Variants in CSMD1 observed in about 807,000 individuals in gnomAD.
CSMD1 encodes the protein CUB and sushi domain-containing protein 1.
In CSMD1, 213 loss-of-function variants were observed where a neutral mutation model predicts 417.5. The ratio of observed to expected loss-of-function variants is 0.51; its 90% CI spans 0.46 to 0.57. The LOEUF is 0.57. Ranked by LOEUF, CSMD1 falls within the 20% of genes least tolerant of loss-of-function variation. The pLI, the probability that CSMD1 is intolerant of heterozygous loss-of-function variation, is 0.00. For missense variants in CSMD1, 6,923 were observed against 4,529.7 expected, an observed-to-expected ratio of 1.53 and a Z score of -15.17; for synonymous variants, 2,862 against 1,736.8, an observed-to-expected ratio of 1.65 and a Z score of -16.11.
chr8:4,549,922 A>G (rs921816436), intron 2 of CSMD1, among the ~76,000 whole-genome samples: 1 of 138,214 alleles, frequency 7.2e-6, no homozygotes, highest in African/African-American at 2.9e-5. Flanking sequence ...AAAAAAAAAG[A>G]AAAGAAAAGA....
intron 1 of CSMD1, among the ~76,000 whole-genome samples, chr8:4,657,273 G>T (rs115592776): frequency 0.012 from 1,804 of 152,302 alleles, 38 homozygotes; most frequent in East Asian, 0.1. Flanking sequence ...CTAAGGCAGA[G>T]TTGTAAAAAG....
intron 3 of CSMD1, among the ~76,000 whole-genome samples, chr8:4,299,314 ACT>A (rs997186009): frequency 1.3e-5 from 2 of 152,174 alleles, no homozygotes; most frequent in African/African-American, 4.8e-5. Flanking sequence ...CAGAGAACGC[ACT>A]TTTTAAATAA....
chr8:4,833,659 G>C (rs1351398381), intron 1 of CSMD1, among the ~76,000 whole-genome samples: 4 of 152,174 alleles, frequency 2.6e-5, no homozygotes, highest in African/African-American at 4.8e-5. Context: ...ACAACACTAC[G>C]TAGAGTGTTG....
At chr8:4,369,249 T>C (rs1802265067) in intron 3 of CSMD1, among the ~76,000 whole-genome samples, 1 of 152,194 alleles carries the variant, frequency 6.6e-6, no homozygotes, top group African/African-American at 2.4e-5. Context: ...TGTAATTGTA[T>C]GGCTCTGATG....
At chr8:3,945,172 G>C (rs1468456402) in intron 5 of CSMD1, among the ~76,000 whole-genome samples, 1 of 48,960 alleles carries the variant, frequency 2.0e-5, no homozygotes, top group Non-Finnish European at 4.0e-5. Context: ...TTGACCATGA[G>C]AAAGACAAAA....
At chr8:3,360,788 A>T (rs1336378833) in intron 20 of CSMD1, among the ~76,000 whole-genome samples, 1 of 151,312 alleles carries the variant, frequency 6.6e-6, no homozygotes, top group Non-Finnish European at 1.5e-5. Context: ...TAGGTTCATT[A>T]TTTTCACTGG....
intron 2 of CSMD1, among the ~76,000 whole-genome samples, chr8:4,611,602 A>G (rs1801176095): frequency 6.6e-6 from 1 of 152,132 alleles, no homozygotes; most frequent in South Asian, 2.1e-4. Flanking sequence ...AGAAGATGAA[A>G]CTCTCTTTCT....
intron 5 of CSMD1, among the ~76,000 whole-genome samples, chr8:3,843,980 C>T (rs1367346139): frequency 2.0e-5 from 3 of 152,110 alleles, no homozygotes; most frequent in Non-Finnish European, 2.9e-5. Flanking sequence ...TGTACTCAAA[C>T]GGCCAAATGT....
intron 26 of CSMD1, among the ~76,000 whole-genome samples, chr8:3,268,179 A>G (rs551641691): frequency 6.6e-6 from 1 of 151,942 alleles, no homozygotes; most frequent in East Asian, 1.9e-4. Flanking sequence ...ATGAGTGAAT[A>G]TCGAATGGTA....
rs775113766 is a variant in CSMD1 at position 2,957,787 on chromosome 8, G to A, written c.9723C>T (p.Phe3241=). 6.3e-7 allele frequency: 1 copy of A among 1,586,614 alleles called. No individual in the cohort carries two copies. Among genetic ancestry groups the A allele is most frequent in the Non-Finnish European group, 8.6e-7 (1 of 1,164,880 alleles). The change falls in exon 63 of 70, where the codon TTC becomes TTT. Residue 3241 remains phenylalanine (F), a synonymous_variant. Coordinates refer to ENST00000635120, the MANE Select transcript of CSMD1 (RefSeq NM_033225.6). ...RGYEVGSTVF[F]RCRKGYHIQG... ...GAATATGGTAGCCTTTTCTGCACCTGAAAAAAACCGTGCTTCCAACCTAGA... is the reference window on the plus strand; with the variant it reads ...GAATATGGTAGCCTTTTCTGCACCTAAAAAAAACCGTGCTTCCAACCTAGA...
intron 33 of CSMD1, among the ~76,000 whole-genome samples, chr8:3,197,437 A>G (rs1447824694): frequency 6.9e-6 from 1 of 145,488 alleles, no homozygotes; most frequent in Non-Finnish European, 1.5e-5. Flanking sequence ...TGTTTAGAAT[A>G]TTTTTCTATA....
At chr8:4,116,985 C>T (rs1210062436) in intron 3 of CSMD1, among the ~76,000 whole-genome samples, 1 of 152,010 alleles carries the variant, frequency 6.6e-6, no homozygotes, top group Non-Finnish European at 1.5e-5. Flanking sequence ...CACCTAGTGA[C>T]TATCTTCAGT....
intron 3 of CSMD1, among the ~76,000 whole-genome samples, chr8:4,296,778 T>A (rs976183681): frequency 6.6e-6 from 1 of 150,790 alleles, no homozygotes; most frequent in African/African-American, 2.4e-5. Flanking sequence ...ATAATAGCTT[T>A]ATGCTGGTGA....
At chr8:3,247,552 G>T (rs1799962668) in intron 26 of CSMD1, among the ~76,000 whole-genome samples, 1 of 152,196 alleles carries the variant, frequency 6.6e-6, no homozygotes, top group Non-Finnish European at 1.5e-5. Flanking sequence ...CAGGATGCCA[G>T]GGTCTTGAAT....
intron 12 of CSMD1, among the ~76,000 whole-genome samples, chr8:3,452,904 C>G (rs906506984): frequency 7.9e-5 from 12 of 152,168 alleles, no homozygotes; most frequent in African/African-American, 2.9e-4. Context: ...ACCAGCTCCT[C>G]CTTGTATCTC....
At chr8:3,291,926 C>T (rs573656488) in intron 25 of CSMD1, among the ~76,000 whole-genome samples, 1 of 151,834 alleles carries the variant, frequency 6.6e-6, no homozygotes, top group African/African-American at 2.4e-5. Context: ...GTTAGGGTGT[C>T]AATTTTAGAT....
chr8:4,828,131 A>C (rs1265341781), intron 1 of CSMD1, among the ~76,000 whole-genome samples: 1 of 152,182 alleles, frequency 6.6e-6, no homozygotes, highest in Non-Finnish European at 1.5e-5. Flanking sequence ...CATCACTACA[A>C]CTTATCCCAC....
At chr8:4,086,046 G>A (rs2554649) in intron 3 of CSMD1, among the ~76,000 whole-genome samples, 1 of 152,160 alleles carries the variant, frequency 6.6e-6, no homozygotes, top group Non-Finnish European at 1.5e-5. Flanking sequence ...ACAAAAAATA[G>A]ATGCAATCAA....
intron 8 of CSMD1, among the ~76,000 whole-genome samples, chr8:3,605,413 C>G (rs1485749603): frequency 6.6e-6 from 1 of 152,140 alleles, no homozygotes; most frequent in Admixed American, 6.5e-5. Context: ...TGGAGTTGAC[C>G]TACAATGGAG....
Sources: allele counts gnomAD v4.1 joint callset (sites outside exome capture counted in the v4.1 genomes callset), GRCh38; gene constraint gnomAD v4.1.1; transcripts MANE v1.5; gene names NCBI Gene and HGNC (gene_info 2026-07-23, HGNC 2026-07-21).